DCUN1D5: variants seen among roughly 807,000 people sequenced by gnomAD.
DCUN1D5 encodes defective in cullin neddylation 1 domain containing 5, also known as DCN1-like protein 5.
DCUN1D5 carries 10 observed loss-of-function variants against 38.3 expected under a neutral mutation model. The ratio of observed to expected loss-of-function variants is 0.26; its 90% CI spans 0.16 to 0.44. The LOEUF is 0.44. Among genes scored for constraint, DCUN1D5 ranks in the 20% least tolerant of loss-of-function variants. The pLI, the probability that DCUN1D5 is intolerant of heterozygous loss-of-function variation, is 1.00. For missense variants in DCUN1D5, 148 were observed against 275.3 expected (o/e 0.54, Z 3.27); for synonymous variants, 93 against 90.9 (o/e 1.02, Z -0.13).
intron 4 of DCUN1D5, among the ~76,000 whole-genome samples, chr11:103,072,193 T>C (rs1862288460): frequency 6.6e-6 from 1 of 151,982 alleles, no homozygotes; most frequent in African/African-American, 2.4e-5. Flanking sequence ...GACATAGTGG[T>C]AGAAGTTCTA....
chr11:103,072,127 G>A (rs148033035), intron 4 of DCUN1D5, among the ~76,000 whole-genome samples: 29 of 151,990 alleles, frequency 1.9e-4, no homozygotes, highest in East Asian at 1.4e-3. Context: ...GAAAGCCAAC[G>A]TTTTCTCTCT....
rs57376135 is a variant in DCUN1D5 at position 103,090,859 on chromosome 11, C to T, written c.86+928G>A. Among the ~76,000 whole-genome samples the T allele has an allele frequency of 5.7e-3, 872 of 152,254 alleles. 6 individuals carry two copies. The highest frequency in any genetic ancestry group is 0.02 in the African/African-American group (818 of 41,538). On this transcript the variant is annotated intron_variant, in intron 1 of 7. Transcript: ENST00000260247. The stretch of plus-strand genomic sequence containing the variant: ...CCCGGGAGGCGGAGGTTGCAGTAAG[C>T]GGAGATCGCGCCACTGCACTCCAGC...
intron 4 of DCUN1D5, among the ~76,000 whole-genome samples, chr11:103,075,608 T>C (rs1862389288): frequency 6.6e-6 from 1 of 152,194 alleles, no homozygotes. Context: ...TCTCAAACTC[T>C]TGACCTCATG....
Position 103,091,456 on chromosome 11 carries a change from A to C in DCUN1D5, c.86+331T>G. ...GAAAAAGGCAGAGGAGCGATACGGG[A>C]GTAGGGGATCGAGGGTCGGTTGTGG... On this transcript the variant is annotated intron_variant, in intron 1 of 7. Transcript: ENST00000260247. This position sits in a 1 kb window ranked among gnomAD's most constrained non-coding sequence, Gnocchi z 4.3. 1 of 235,476 alleles carries C rather than the reference A, an allele frequency of 4.2e-6. No individual in the cohort carries two copies. 14.6% of individuals were successfully genotyped at this position (235,476 alleles called of 1,614,324 possible). A position where few individuals can be genotyped will look rare whatever the true frequency, so the allele number is the denominator to read the frequency against.
At chr11:103,072,366 A>ATCT (rs1862298494) in intron 4 of DCUN1D5, among the ~76,000 whole-genome samples, 4 of 151,892 alleles carry the variant, frequency 2.6e-5, no homozygotes, top group Non-Finnish European at 5.9e-5. Flanking sequence ...CTAGATCTAG[A>ATCT]ACTAGAACTA....
At chr11:103,081,909 AAATAAAG>A (rs1367354542) in intron 4 of DCUN1D5, among the ~76,000 whole-genome samples, 5 of 152,250 alleles carry the variant, frequency 3.3e-5, no homozygotes, top group Admixed American at 2.6e-4. Flanking sequence ...GCCAGGCAAA[AAATAAAG>A]AATAATTACA....
intron 4 of DCUN1D5, among the ~76,000 whole-genome samples, chr11:103,080,386 T>G (rs571386774): frequency 6.6e-6 from 1 of 152,354 alleles, no homozygotes; most frequent in East Asian, 1.9e-4. Context: ...TTGTCTTCCT[T>G]GGTTTAAATT....
In DCUN1D5 at chr11:103,065,405, C is replaced by G. The variant is rs1472863665; in HGVS notation, c.555+864G>C. ...CTCCTGGCCTCAAGTGATCTGCCTG[C>G]CTTGGCCTCCCAACGTGCTGGGATT... is the stretch of plus-strand genomic sequence containing the variant. On this transcript the variant is annotated intron_variant, in intron 6 of 7. Transcript: ENST00000260247. The surrounding 1 kb of genome is among the most constrained non-coding windows in gnomAD (Gnocchi z 4.6). 1.3e-5 allele frequency among the ~76,000 whole-genome samples: 2 copies of G among 152,174 alleles called. No individual in the cohort carries two copies. Among genetic ancestry groups the G allele is most frequent in the East Asian group, 3.8e-4 (2 of 5,208 alleles).
At chr11:103,084,198 C>T (rs1347503940) in intron 2 of DCUN1D5, among the ~76,000 whole-genome samples, 4 of 152,076 alleles carry the variant, frequency 2.6e-5, no homozygotes, top group African/African-American at 9.7e-5. Flanking sequence ...ATGTGTTTAC[C>T]ACTATGGGAT....
chr11:103,052,723 TGTAA>T lies in DCUN1D5; in HGVS notation c.*9632_*9635del, dbSNP rs1426767438. ...ATTATCATAAACCTTATAGTTCTAG[TGTAA>T]GTATTTCCAAAGATACTTGGAATAT... On this transcript the variant is annotated 3_prime_UTR_variant, in exon 8 of 8. Transcript: ENST00000260247. The T allele has an allele frequency of 2.0e-5, 3 of 152,310 alleles. No homozygotes were observed. Among genetic ancestry groups the T allele is most frequent in the Middle Eastern group, 3.4e-3 (1 of 294 alleles). 9.4% of individuals were successfully genotyped at this position (152,310 alleles called of 1,614,324 possible).
At chr11:103,072,476 G>GCA (rs1240072052) in intron 4 of DCUN1D5, among the ~76,000 whole-genome samples, 1 of 151,598 alleles carries the variant, frequency 6.6e-6, no homozygotes, top group Non-Finnish European at 1.5e-5. Context: ...GTTTACTGTG[G>GCA]CACTATTCAC....
At chr11:103,085,191 GC>G (rs1862670918) in intron 2 of DCUN1D5, among the ~76,000 whole-genome samples, 1 of 152,184 alleles carries the variant, frequency 6.6e-6, no homozygotes, top group Non-Finnish European at 1.5e-5. Context: ...TGTAATCTCA[GC>G]ACTTTGGGAG....
rs1054445638 is a variant in DCUN1D5 at position 103,055,047 on chromosome 11, T to C, written c.*7312A>G. On this transcript the variant is annotated 3_prime_UTR_variant, in exon 8 of 8. Transcript: ENST00000260247. ...TTTGCATATTCATAATAAGATACCT[T>C]GGGGATGGGACCCAAGTCTAAACAT... The C allele has an allele frequency of 7.9e-5, 12 of 152,154 alleles. No homozygotes were observed. Among genetic ancestry groups the C allele is most frequent in the African/African-American group, 2.7e-4 (11 of 41,448 alleles). 9.4% of individuals were successfully genotyped at this position (152,154 alleles called of 1,614,324 possible).
rs968164847 is a variant in DCUN1D5 at position 103,064,216 on chromosome 11, C to T, written c.658+59G>A. On this transcript the variant is annotated intron_variant, in intron 7 of 7. Transcript: ENST00000260247. This position sits in a 1 kb window ranked among gnomAD's most constrained non-coding sequence, Gnocchi z 4.5. ...TATGCTAATACTACACAAATGCATA[C>T]TCTCATTTAATATTTTTGGAAATTT... 13 of 1,302,496 alleles carry T rather than the reference C, an allele frequency of 1.0e-5. No individual in the cohort carries two copies. In the African/African-American group the frequency reaches 1.3e-4, roughly 13 times the overall value. 80.7% of individuals were successfully genotyped at this position (1,302,496 alleles called of 1,614,324 possible).
At position 103,091,676 on chromosome 11, in the gene DCUN1D5, G is replaced by A. The variant is rs764520667; in HGVS notation, c.86+111C>T. The stretch of plus-strand genomic sequence containing the variant: ...ACCTACAGCCTAGCTCGATCAAAGG[G>A]GCCTCACCTGTCTCCAGCCCCAGCC... On this transcript the variant is annotated intron_variant, in intron 1 of 7. Coordinates refer to ENST00000260247, the MANE Select transcript of DCUN1D5 (RefSeq NM_032299.4). This position sits in a 1 kb window ranked among gnomAD's most constrained non-coding sequence, Gnocchi z 4.3. 14 of 1,597,884 alleles carry A rather than the reference G, an allele frequency of 8.8e-6. No homozygotes were observed. The highest frequency in any genetic ancestry group is 1.3e-5 in the African/African-American group (1 of 74,634).
Position 103,062,257 on chromosome 11 carries a change from A to C in DCUN1D5, c.*102T>G, listed in dbSNP as rs761926218. The C allele has an allele frequency of 8.7e-7, 1 of 1,147,010 alleles. No homozygotes were observed. The highest frequency in any genetic ancestry group is 1.3e-5 in the South Asian group (1 of 75,924). 71.1% of individuals were successfully genotyped at this position (1,147,010 alleles called of 1,614,324 possible). On this transcript the variant is annotated 3_prime_UTR_variant, in exon 8 of 8. Transcript: ENST00000260247. The surrounding 1 kb of genome is among the most constrained non-coding windows in gnomAD (Gnocchi z 4.6). ...AAAAAAGTACTATGAGAAGTCTTTC[A>C]TATGAATGAAAATGCACCCGTTGGA...
intron 4 of DCUN1D5, among the ~76,000 whole-genome samples, chr11:103,080,923 C>T (rs867304164): frequency 2.0e-5 from 3 of 151,878 alleles, no homozygotes; most frequent in South Asian, 2.1e-4. Flanking sequence ...GCAGGAGAAT[C>T]GCTTGAACCC....
chr11:103,069,208 G>A (rs1591209655), intron 4 of DCUN1D5, among the ~76,000 whole-genome samples: 1 of 152,082 alleles, frequency 6.6e-6, no homozygotes, highest in East Asian at 1.9e-4. Context: ...GAGTTATCTG[G>A]GTTTCTTTTT....
At chr11:103,082,699 A>T in intron 4 of DCUN1D5, 49 bp downstream of exon 4, 1 of 1,202,314 alleles carries the variant, frequency 8.3e-7, no homozygotes, top group Non-Finnish European at 1.2e-6. Flanking sequence ...AATATCAATT[A>T]AGATCTTCAA....
Sources: allele counts gnomAD v4.1 joint callset (sites outside exome capture counted in the v4.1 genomes callset), GRCh38; gene constraint gnomAD v4.1.1; non-coding constraint Gnocchi (gnomAD v3.1); transcripts MANE v1.5; gene names NCBI Gene and HGNC (gene_info 2026-07-23, HGNC 2026-07-21).